MEI1: variants seen among roughly 807,000 people sequenced by gnomAD.
MEI1 encodes the protein meiosis inhibitor protein 1.
A neutral mutation model predicts 146.2 loss-of-function variants in MEI1; 103 were observed. That is an observed-to-expected ratio of 0.70 (90% confidence interval 0.60 to 0.83). The LOEUF is 0.83. Among genes scored for constraint, MEI1 ranks in the 40% least tolerant of loss-of-function variants. The pLI is 0.00. For missense variants in MEI1, 1,529 were observed against 1,533.0 expected (o/e 1.00, Z 0.04); for synonymous variants, 652 against 628.2 (o/e 1.04, Z -0.57).
chr22:41,745,431 C>T (rs1273948741), intron 13 of MEI1, among the ~76,000 whole-genome samples: 1 of 152,152 alleles, frequency 6.6e-6, no homozygotes, highest in East Asian at 1.9e-4. Context: ...GTGTGCCATG[C>T]CTGATGCTAG....
rs1406139643 is a variant in MEI1, at chr22:41,707,055, T to A, written c.349+1501T>A. Among the ~76,000 whole-genome samples, 19 of 135,158 alleles carry A rather than the reference T, an allele frequency of 1.4e-4. No individual in the cohort carries two copies. In the East Asian group the frequency reaches 1.6e-3, roughly 11 times the overall value. 88.7% of individuals were successfully genotyped at this position (135,158 alleles called of 152,430 possible). On this transcript the variant is annotated intron_variant, in intron 3 of 30. Transcript: ENST00000401548. The stretch of plus-strand genomic sequence containing the variant: ...AAAAAAAAAAAAAAAAAAAAAAAAT[T>A]AGCCGGGCGCGGTGGCGGGCACCTG...
intron 20 of MEI1, among the ~76,000 whole-genome samples, chr22:41,773,528 T>C (rs1415867153): frequency 6.6e-6 from 1 of 150,866 alleles, no homozygotes; most frequent in African/African-American, 2.4e-5. Context: ...GAGTAAGTTT[T>C]TCACTAACTT....
intron 24 of MEI1, among the ~76,000 whole-genome samples, chr22:41,783,882 C>A (rs776792974): frequency 3.3e-5 from 5 of 152,086 alleles, no homozygotes; most frequent in African/African-American, 4.8e-5. Flanking sequence ...GGGTCTTCGC[C>A]ATGTTGTCCA....
At chr22:41,758,635 T>C (rs984872542) in intron 18 of MEI1, 102 bp downstream of exon 18, 19 of 1,219,404 alleles carry the variant, frequency 1.6e-5, no homozygotes, top group Middle Eastern at 2.8e-4. Context: ...TGCTGGGCAC[T>C]GGGGACACGG....
chr22:41,726,898 C>T (rs1249517453), intron 7 of MEI1, among the ~76,000 whole-genome samples: 8 of 151,910 alleles, frequency 5.3e-5, no homozygotes, highest in African/African-American at 1.5e-4. Context: ...CTCAGCCTCC[C>T]GAGTAGCTGG....
chr22:41,755,923 G>A lies in MEI1; in HGVS notation c.1951+1877G>A, dbSNP rs141890539. 1.3e-3 allele frequency among the ~76,000 whole-genome samples: 200 copies of A among 151,994 alleles called. 2 individuals carry two copies. The highest frequency in any genetic ancestry group is 4.6e-3 in the African/African-American group (190 of 41,470). The stretch of plus-strand genomic sequence containing the variant: ...TGGCCCTGGCAGGATGGATTCTTTC[G>A]GTTGACCTTCAACTGAGGTCCTGTC... On this transcript the variant is annotated intron_variant, in intron 17 of 30. Transcript: ENST00000401548.
intron 11 of MEI1, among the ~76,000 whole-genome samples, chr22:41,737,226 A>G (rs2072451312): frequency 1.3e-5 from 2 of 152,042 alleles, no homozygotes; most frequent in South Asian, 4.2e-4. Flanking sequence ...CAAACATTTG[A>G]AAGTTATTGT....
At chr22:41,706,527 A>G (rs2069107939) in intron 3 of MEI1, among the ~76,000 whole-genome samples, 1 of 152,078 alleles carries the variant, frequency 6.6e-6, no homozygotes, top group African/African-American at 2.4e-5. Flanking sequence ...GTTCATTGAA[A>G]GTTGTCTGCA....
intron 7 of MEI1, among the ~76,000 whole-genome samples, chr22:41,728,149 G>A (rs1484334874): frequency 6.6e-6 from 1 of 152,088 alleles, no homozygotes; most frequent in Non-Finnish European, 1.5e-5. Context: ...TCAGCGTTCA[G>A]TTGAAAAAAG....
At chr22:41,779,435 T>C (rs2075637645) in intron 22 of MEI1, among the ~76,000 whole-genome samples, 1 of 152,096 alleles carries the variant, frequency 6.6e-6, no homozygotes, top group South Asian at 2.1e-4. Flanking sequence ...GCCTGGGCAA[T>C]GGAGTGAGAC....
intron 30 of MEI1, among the ~76,000 whole-genome samples, chr22:41,798,439 G>A (rs536764389): frequency 2.6e-5 from 4 of 151,648 alleles, no homozygotes; most frequent in Admixed American, 2.0e-4. Context: ...TTAGCTGGGC[G>A]TGGTAGCATG....
rs367897397 is a variant in MEI1 at position 41,709,615 on chromosome 22, CT to C, written c.349+4070del. On this transcript the variant is annotated intron_variant, in intron 3 of 30. Transcript: ENST00000401548. ...AGGTCTGAATCTTCAGTGGCTCTTCCTTTTTTTTTGGTTGCTGATGTTTTTC... is the reference window on the plus strand; with the variant it reads ...AGGTCTGAATCTTCAGTGGCTCTTCCTTTTTTTTGGTTGCTGATGTTTTTC... 597 of 382,530 alleles carry C rather than the reference CT, an allele frequency of 1.6e-3. 1 individual carries two copies. Among genetic ancestry groups the C allele is most frequent in the South Asian group, 3.0e-3 (138 of 45,736 alleles). 23.7% of individuals were successfully genotyped at this position (382,530 alleles called of 1,614,324 possible). A position where few individuals can be genotyped will look rare whatever the true frequency, so the allele number is the denominator to read the frequency against.
chr22:41,776,429 C>T (rs1196442628), intron 21 of MEI1, among the ~76,000 whole-genome samples, 162 bp downstream of exon 21: 2 of 152,260 alleles, frequency 1.3e-5, no homozygotes, highest in Admixed American at 6.5e-5. Context: ...TCCTTTCTCT[C>T]ACTGCAGAGT....
At chr22:41,782,813 C>A (rs370916071) in intron 24 of MEI1, among the ~76,000 whole-genome samples, 31 of 152,326 alleles carry the variant, frequency 2.0e-4, no homozygotes, top group South Asian at 4.1e-4. Flanking sequence ...TGCATTTTGT[C>A]CTTGGCTCTG....
At chr22:41,767,032 G>A (rs1329674736) in intron 19 of MEI1, among the ~76,000 whole-genome samples, 2 of 152,132 alleles carry the variant, frequency 1.3e-5, no homozygotes, top group African/African-American at 4.8e-5. Flanking sequence ...GGGTAGAGGA[G>A]CACCCTCCAT....
intron 20 of MEI1, among the ~76,000 whole-genome samples, chr22:41,772,003 A>G (rs369770431): frequency 2.0e-5 from 3 of 152,320 alleles, no homozygotes; most frequent in African/African-American, 7.2e-5. Flanking sequence ...ATACATTTTT[A>G]GAAACACAGT....
chr22:41,705,811 G>A (rs2097413), intron 3 of MEI1, among the ~76,000 whole-genome samples: 95,868 of 150,346 alleles, frequency 0.64, 33,614 homozygotes, highest in East Asian at 0.92. Flanking sequence ...GGGTTCAAGC[G>A]ATTCTCCTGC....
At position 41,705,488 on chromosome 22, in the gene MEI1, C is replaced by T. The variant is rs751278717; in HGVS notation, c.299-16C>T. The T allele has an allele frequency of 2.5e-6, 4 of 1,613,198 alleles. No homozygotes were observed. Among genetic ancestry groups the T allele is most frequent in the Admixed American group, 1.7e-5 (1 of 59,976 alleles). ...CCCTGCCTAACCACCCCTTTCTTAC[C>T]TCCCTCTGCTCCAAGGACTATTATG... On this transcript the variant is annotated splice_polypyrimidine_tract_variant and intron_variant, in intron 2 of 30. Transcript: ENST00000401548.
chr22:41,717,282 C>T (rs1305448603), intron 5 of MEI1, among the ~76,000 whole-genome samples: 1 of 152,118 alleles, frequency 6.6e-6, no homozygotes, highest in Non-Finnish European at 1.5e-5. Flanking sequence ...CCTGCTTCAG[C>T]CTCCTGAGTA....
Sources: allele counts gnomAD v4.1 joint callset (sites outside exome capture counted in the v4.1 genomes callset), GRCh38; gene constraint gnomAD v4.1.1; transcripts MANE v1.5; gene names NCBI Gene and HGNC (gene_info 2026-07-23, HGNC 2026-07-21).